LDB2: variants seen among roughly 807,000 people sequenced by gnomAD.
LDB2 encodes LIM domain binding 2, also known as LIM domain-binding protein 2.
LDB2 carries 12 observed loss-of-function variants against 44.3 expected under a neutral mutation model. The ratio of observed to expected loss-of-function variants is 0.27; its 90% CI spans 0.17 to 0.44. The LOEUF (loss-of-function observed/expected upper bound fraction) is 0.44. Among genes scored for constraint, LDB2 ranks in the 20% least tolerant of loss-of-function variants. The probability of loss-of-function intolerance (pLI) is 1.00; values close to 1 mark genes in which losing one functional copy is unlikely to be tolerated. For missense variants in LDB2, 344 were observed against 473.5 expected (o/e 0.73, Z 2.54); for synonymous variants, 164 against 174.8 (o/e 0.94, Z 0.49).
chr4:16,521,106 G>T (rs1577344986), intron 5 of LDB2, among the ~76,000 whole-genome samples: 1 of 152,316 alleles, frequency 6.6e-6, no homozygotes, highest in Non-Finnish European at 1.5e-5. Context: ...TACTCAGGGA[G>T]ATTAGAGAGA....
intron 2 of LDB2, among the ~76,000 whole-genome samples, chr4:16,671,812 T>C (rs1430046810): frequency 1.3e-5 from 2 of 150,716 alleles, no homozygotes; most frequent in African/African-American, 4.9e-5. Flanking sequence ...CACAAGCAGC[T>C]GGGTGACTGG....
intron 2 of LDB2, among the ~76,000 whole-genome samples, chr4:16,756,089 A>G (rs976320632): frequency 1.3e-5 from 2 of 152,170 alleles, no homozygotes; most frequent in African/African-American, 4.8e-5. Flanking sequence ...GGAACAATAT[A>G]TCACCCAGAA....
intron 2 of LDB2, among the ~76,000 whole-genome samples, chr4:16,609,597 G>C (rs919041358): frequency 6.6e-6 from 1 of 152,312 alleles, no homozygotes; most frequent in South Asian, 2.1e-4. Context: ...TGCGGCCAGA[G>C]TGCCTCTTCA....
At chr4:16,829,998 G>C (rs1032553656) in intron 1 of LDB2, among the ~76,000 whole-genome samples, 2 of 152,050 alleles carry the variant, frequency 1.3e-5, no homozygotes, top group Non-Finnish European at 2.9e-5. Flanking sequence ...TCAGCTACTC[G>C]GGAGGCTGAG....
At chr4:16,701,474 A>G (rs1024573708) in intron 2 of LDB2, among the ~76,000 whole-genome samples, 1 of 152,238 alleles carries the variant, frequency 6.6e-6, no homozygotes, top group Non-Finnish European at 1.5e-5. Flanking sequence ...AATGGTAGCC[A>G]TCCTAGAGTG....
At chr4:16,667,206 C>T (rs1347722546) in intron 2 of LDB2, among the ~76,000 whole-genome samples, 1 of 152,158 alleles carries the variant, frequency 6.6e-6, no homozygotes, top group Non-Finnish European at 1.5e-5. Flanking sequence ...AGATCTTGAA[C>T]TAGTATCTTC....
chr4:16,860,211 C>T (rs546352594), intron 1 of LDB2, among the ~76,000 whole-genome samples: 11 of 152,314 alleles, frequency 7.2e-5, no homozygotes, highest in African/African-American at 2.6e-4. Flanking sequence ...CCCACTGGCT[C>T]TTTTCATAAT....
intron 2 of LDB2, among the ~76,000 whole-genome samples, chr4:16,638,788 A>T (rs1734324001): frequency 6.6e-6 from 1 of 152,182 alleles, no homozygotes. Flanking sequence ...GGAGTTTATC[A>T]TCTGGTACTT....
intron 5 of LDB2, 25 bp from the exon 6 acceptor site, chr4:16,512,129 C>T (rs766812230): frequency 6.4e-7 from 1 of 1,572,136 alleles, no homozygotes; most frequent in Non-Finnish European, 8.7e-7. Context: ...AAGACATTGG[C>T]ATTTCACTAC....
chr4:16,688,714 A>G (rs1015078078), intron 2 of LDB2, among the ~76,000 whole-genome samples: 4 of 152,212 alleles, frequency 2.6e-5, no homozygotes, highest in Non-Finnish European at 4.4e-5. Flanking sequence ...TGCTGATACT[A>G]TGTAATGTTC....
intron 2 of LDB2, among the ~76,000 whole-genome samples, chr4:16,672,671 T>A (rs1257706466): frequency 6.6e-6 from 1 of 152,066 alleles, no homozygotes; most frequent in Non-Finnish European, 1.5e-5. Context: ...CAGGCCAACA[T>A]CAATGGAAAC....
At chr4:16,619,642 G>A (rs1257097990) in intron 2 of LDB2, among the ~76,000 whole-genome samples, 3 of 112,166 alleles carry the variant, frequency 2.7e-5, no homozygotes, top group African/African-American at 9.6e-5. Flanking sequence ...GCCATCGTAA[G>A]CATGGCCTTG....
At chr4:16,756,187 GT>G (rs1766604319) in intron 2 of LDB2, among the ~76,000 whole-genome samples, 2 of 152,350 alleles carry the variant, frequency 1.3e-5, no homozygotes, top group Admixed American at 1.3e-4. Flanking sequence ...GCTCATGCCT[GT>G]AATCCCAGCA....
chr4:16,564,384 A>T (rs1175087184), intron 5 of LDB2, among the ~76,000 whole-genome samples: 3 of 152,136 alleles, frequency 2.0e-5, no homozygotes, highest in Admixed American at 6.5e-5. Flanking sequence ...AATAACAAAC[A>T]ATCAAAAAAT....
chr4:16,806,303 C>T (rs1778781460), intron 1 of LDB2, among the ~76,000 whole-genome samples: 1 of 152,214 alleles, frequency 6.6e-6, no homozygotes, highest in Non-Finnish European at 1.5e-5. Context: ...TACCTGATTA[C>T]ACCTCTTTCT....
intron 2 of LDB2, among the ~76,000 whole-genome samples, chr4:16,757,358 G>A (rs886636440): frequency 2.6e-5 from 4 of 152,226 alleles, no homozygotes; most frequent in East Asian, 1.9e-4. Flanking sequence ...ATTTTGGCTC[G>A]GAGAAACAAA....
In LDB2 at chr4:16,867,710, A is replaced by C. The variant is rs575791683; in HGVS notation, c.132+30644T>G. On this transcript the variant is annotated intron_variant, in intron 1 of 7. Coordinates refer to ENST00000304523, the MANE Select transcript of LDB2 (RefSeq NM_001290.5). ...TCGGCAAAAGATGATAATAGCACCA[A>C]GATTTCAAGGTGGTAGTTGGGAGCA... Among the ~76,000 whole-genome samples the C allele has an allele frequency of 6.6e-5, 10 of 152,200 alleles. No homozygotes were observed. In the East Asian group the frequency reaches 1.5e-3, roughly 23 times the overall value.
At chr4:16,741,929 T>C (rs1210379100) in intron 2 of LDB2, among the ~76,000 whole-genome samples, 3 of 152,224 alleles carry the variant, frequency 2.0e-5, no homozygotes, top group African/African-American at 7.2e-5. Flanking sequence ...GGGCTCTTGC[T>C]ATCTTGTTTA....
At chr4:16,568,219 A>G (rs1745230435) in intron 5 of LDB2, among the ~76,000 whole-genome samples, 1 of 152,214 alleles carries the variant, frequency 6.6e-6, no homozygotes, top group South Asian at 2.1e-4. Flanking sequence ...CACCATCTGA[A>G]CCTACTTCTA....
Sources: gnomAD v4.1 joint callset for allele counts (sites outside exome capture counted in the v4.1 genomes callset) on GRCh38, gnomAD v4.1.1 for gene constraint, MANE v1.5 for transcripts, NCBI Gene and HGNC (gene_info 2026-07-23, HGNC 2026-07-21) for gene names.